RBPJ: variants seen among roughly 807,000 people sequenced by gnomAD.
The protein encoded by RBPJ is recombining binding protein suppressor of hairless.
A neutral mutation model predicts 67.8 loss-of-function variants in RBPJ; 9 were observed. That is an observed-to-expected ratio of 0.13 (90% CI 0.08 to 0.23). The LOEUF (loss-of-function observed/expected upper bound fraction) is 0.23, where lower values mean the gene tolerates loss of function less well. RBPJ is among the 10% of genes least tolerant of loss of function. RBPJ has a pLI of 1.00. For missense variants in RBPJ, 305 were observed against 595.6 expected (o/e 0.51, Z 5.08); for synonymous variants, 198 against 203.3 (o/e 0.97, Z 0.22).
At chr4:26,318,059 T>C (rs1722716081), upstream of RBPJ, among the ~76,000 whole-genome samples, 1 of 152,118 alleles carries the variant, frequency 6.6e-6, no homozygotes, top group Admixed American at 6.5e-5. Flanking sequence ...CACTGAGATA[T>C]TGCACCAAAT....
upstream of RBPJ, chr4:26,320,815 G>T: frequency 1.9e-6 from 3 of 1,558,702 alleles, no homozygotes; most frequent in East Asian, 2.4e-5. Context: ...CCATCGCCTG[G>T]GTAGGTTTCC....
At chr4:26,384,772 TC>T (rs1730645607) in intron 1 of RBPJ, among the ~76,000 whole-genome samples, 1 of 148,676 alleles carries the variant, frequency 6.7e-6, no homozygotes, top group African/African-American at 2.5e-5. Flanking sequence ...CTATTCCCTC[TC>T]CTCCTCTCTC....
At chr4:26,413,829 G>A (rs1056976109) in intron 3 of RBPJ, among the ~76,000 whole-genome samples, 5 of 152,100 alleles carry the variant, frequency 3.3e-5, no homozygotes, top group East Asian at 3.9e-4. Flanking sequence ...TAGTCTGCAC[G>A]TTGTTGGCCT....
intron 1 of RBPJ, among the ~76,000 whole-genome samples, chr4:26,243,030 C>T (rs1460668089): frequency 1.3e-5 from 2 of 152,064 alleles, no homozygotes; most frequent in African/African-American, 4.8e-5. Context: ...CGTTCGAGAC[C>T]AGCCTGACCA....
the RBPJ span, among the ~76,000 whole-genome samples, chr4:26,109,579 C>CTCTATATATA: frequency 1.4e-4 from 4 of 29,392 alleles, 1 homozygote; most frequent in African/African-American, 8.3e-4. Context: ...CTCTCTCTCT[C>CTCTATATATA]TATATATATA....
intron 1 of RBPJ, among the ~76,000 whole-genome samples, chr4:26,244,030 G>A (rs888799612): frequency 6.6e-6 from 1 of 151,958 alleles, no homozygotes; most frequent in East Asian, 2.0e-4. Context: ...AGGAGGAGGA[G>A]GTTACAGTGA....
chr4:26,255,815 AAAAG>A (rs1262523333), intron 1 of RBPJ, among the ~76,000 whole-genome samples: 2 of 151,572 alleles, frequency 1.3e-5, no homozygotes, highest in Non-Finnish European at 1.5e-5. Flanking sequence ...AAAAAAAAAA[AAAAG>A]AAAAGAAAAA....
chr4:26,357,696 T>G (rs962939456), intron 1 of RBPJ, among the ~76,000 whole-genome samples: 8 of 152,204 alleles, frequency 5.3e-5, no homozygotes, highest in Non-Finnish European at 1.2e-4. Flanking sequence ...TTCATCTGCC[T>G]GAACTGAAAC....
chr4:26,244,261 A>G (rs113940987), intron 1 of RBPJ, among the ~76,000 whole-genome samples: 1 of 138,940 alleles, frequency 7.2e-6, no homozygotes, highest in East Asian at 2.2e-4. Context: ...ACATACACAT[A>G]TGTGTACACA....
the RBPJ span, among the ~76,000 whole-genome samples, chr4:26,114,644 T>C: frequency 7.2e-5 from 11 of 152,048 alleles, no homozygotes; most frequent in Admixed American, 6.6e-4. Context: ...GTAACTATTA[T>C]GGTACGTGTT....
chr4:26,309,624 A>G (rs955563550), intron 1 of RBPJ, among the ~76,000 whole-genome samples: 1 of 152,226 alleles, frequency 6.6e-6, no homozygotes, highest in African/African-American at 2.4e-5. Context: ...TCTTTCATTC[A>G]TACCACAGCT....
chr4:26,366,382 G>A (rs1245579372), intron 1 of RBPJ, among the ~76,000 whole-genome samples: 2 of 152,008 alleles, frequency 1.3e-5, no homozygotes, highest in African/African-American at 4.8e-5. Context: ...GTTTTGTGAT[G>A]TGTATGTGTT....
intron 1 of RBPJ, among the ~76,000 whole-genome samples, chr4:26,214,638 AG>A (rs1366778471): frequency 1.3e-4 from 8 of 63,322 alleles, no homozygotes; most frequent in African/African-American, 7.4e-4. Context: ...AGAAAGAAAA[AG>A]AAAAAAGAAA....
intron 3 of RBPJ, among the ~76,000 whole-genome samples, chr4:26,413,460 A>G (rs1734240808): frequency 6.6e-6 from 1 of 152,130 alleles, no homozygotes; most frequent in Admixed American, 6.6e-5. Flanking sequence ...TTAGAGTGTA[A>G]GTTCCATGAG....
At chr4:26,195,820 T>C (rs1717741173) in intron 1 of RBPJ, among the ~76,000 whole-genome samples, 1 of 152,188 alleles carries the variant, frequency 6.6e-6, no homozygotes, top group Admixed American at 6.5e-5. Flanking sequence ...GGTCTTGAAC[T>C]CCTGACCTTG....
chr4:26,294,108 G>GT (rs1553858285), intron 1 of RBPJ, among the ~76,000 whole-genome samples: 1 of 99,532 alleles, frequency 1.0e-5, no homozygotes, highest in Admixed American at 1.1e-4. Flanking sequence ...TTTTGTTTTT[G>GT]TTTTTTTGAG....
the RBPJ span, among the ~76,000 whole-genome samples, chr4:26,123,783 G>C: frequency 6.6e-6 from 1 of 152,022 alleles, no homozygotes; most frequent in Non-Finnish European, 1.5e-5. Flanking sequence ...CCTCCACAGG[G>C]TCAGGGTCAT....
chr4:26,360,727 G>A (rs769668130), intron 1 of RBPJ, among the ~76,000 whole-genome samples: 5 of 151,322 alleles, frequency 3.3e-5, no homozygotes, highest in African/African-American at 1.2e-4. Flanking sequence ...GACTACAGGT[G>A]CGCGTCACTA....
rs1363392081 is a variant in RBPJ, at chr4:26,303,184, AT to A, written c.-166-59261del. Among the ~76,000 whole-genome samples, 9 of 22,456 alleles carry A rather than the reference AT, an allele frequency of 4.0e-4. No homozygotes were observed. The East Asian group carries it at 0.018, about 44-fold the overall frequency. 14.7% of individuals were successfully genotyped at this position (22,456 alleles called of 152,430 possible). A position where few individuals can be genotyped will look rare whatever the true frequency, so the allele number is the denominator to read the frequency against. Reference sequence around the variant, plus strand: ...TGACAGACTGCAACCCTGTCAAAAAATAAATAAATAAATAAATAAATAAATA... The same window carrying A: ...TGACAGACTGCAACCCTGTCAAAAAAAAATAAATAAATAAATAAATAAATA... On this transcript the variant is annotated intron_variant, in intron 1 of 4. Transcript: ENST00000512351.
Sources: gnomAD v4.1 joint callset for allele counts (sites outside exome capture counted in the v4.1 genomes callset) on GRCh38, gnomAD v4.1.1 for gene constraint, MANE v1.5 for transcripts, NCBI Gene and HGNC (gene_info 2026-07-23, HGNC 2026-07-21) for gene names.